Variants in BCAR3 observed in about 807,000 individuals in gnomAD.
BCAR3 encodes the protein BCAR3 adaptor protein, NSP family member.
Under a neutral mutation model 80.1 loss-of-function variants are expected in BCAR3, and 37 were observed. The observed-to-expected ratio is 0.46, with a 90% CI of 0.36 to 0.61. The LOEUF (loss-of-function observed/expected upper bound fraction) is 0.61. Among genes scored for constraint, BCAR3 ranks in the 20% least tolerant of loss-of-function variants. The probability of loss-of-function intolerance (pLI) is 0.00; values close to 1 mark genes in which losing one functional copy is unlikely to be tolerated. For synonymous variants in BCAR3, 389 were observed against 418.9 expected, an observed-to-expected ratio of 0.93 and a Z score of 0.87; for missense variants, 978 against 1,068.2, an observed-to-expected ratio of 0.92 and a Z score of 1.18.
chr1:93,704,288 T>C (rs112921086), intron 3 of BCAR3, among the ~76,000 whole-genome samples: 3,856 of 150,562 alleles, frequency 0.026, 167 homozygotes, highest in African/African-American at 0.09. Flanking sequence ...TTTGGCAAAT[T>C]TGAGGAACAG....
intron 6 of BCAR3, among the ~76,000 whole-genome samples, chr1:93,583,648 G>C (rs1673819609): frequency 6.6e-6 from 1 of 152,130 alleles, no homozygotes; most frequent in African/African-American, 2.4e-5. Context: ...GCCCACCCGG[G>C]AAAAGGGAGT....
chr1:93,839,587 T>A (rs10489602), intron 2 of BCAR3, among the ~76,000 whole-genome samples: 43,585 of 152,138 alleles, frequency 0.29, 7,215 homozygotes, highest in East Asian at 0.53. Context: ...CCAGGAGTTA[T>A]TCATCTGCCT....
chr1:93,633,816 T>A (rs1675697025), intron 3 of BCAR3, among the ~76,000 whole-genome samples: 1 of 152,176 alleles, frequency 6.6e-6, no homozygotes, highest in Admixed American at 6.5e-5. Flanking sequence ...TGTATTTTTT[T>A]AGTTAGTAGT....
chr1:93,637,514 T>C (rs1015431265), intron 3 of BCAR3, among the ~76,000 whole-genome samples: 6 of 152,180 alleles, frequency 3.9e-5, no homozygotes, highest in African/African-American at 1.4e-4. Context: ...AGCTTAAAGA[T>C]GCAGTTCCAG....
intron 5 of BCAR3, among the ~76,000 whole-genome samples, chr1:93,587,776 G>A (rs1444964076): frequency 6.6e-6 from 1 of 151,822 alleles, no homozygotes; most frequent in Non-Finnish European, 1.5e-5. Flanking sequence ...AGCCGGGTCA[G>A]GGCTGCTGTG....
intron 3 of BCAR3, among the ~76,000 whole-genome samples, chr1:93,620,441 G>A (rs1675272880): frequency 6.6e-6 from 1 of 152,062 alleles, no homozygotes; most frequent in Admixed American, 6.5e-5. Context: ...CCTAACCCAG[G>A]GGACTCCTGG....
At chr1:93,620,502 C>T (rs1009624033) in intron 3 of BCAR3, among the ~76,000 whole-genome samples, 48 of 152,262 alleles carry the variant, frequency 3.2e-4, no homozygotes, top group African/African-American at 1.1e-3. Flanking sequence ...CTGAGCCAAT[C>T]TGACTGGGGA....
intron 3 of BCAR3, among the ~76,000 whole-genome samples, chr1:93,632,244 G>A (rs1199798369): frequency 6.6e-6 from 1 of 152,204 alleles, no homozygotes; most frequent in African/African-American, 2.4e-5. Flanking sequence ...AACAGAAACA[G>A]CAAAGGTGCA....
At chr1:93,770,264 T>C (rs538421579) in intron 2 of BCAR3, among the ~76,000 whole-genome samples, 11 of 152,016 alleles carry the variant, frequency 7.2e-5, no homozygotes, top group African/African-American at 2.7e-4. Flanking sequence ...GTCCCCACCA[T>C]AAGGACTACC....
At chr1:93,677,980 C>G (rs1340059395) in intron 1 of BCAR3, among the ~76,000 whole-genome samples, 7 of 152,156 alleles carry the variant, frequency 4.6e-5, no homozygotes. Context: ...ATGAATTATA[C>G]CCCTGCTCTC....
At chr1:93,691,511 CA>C (rs1649187419) in intron 3 of BCAR3, among the ~76,000 whole-genome samples, 2 of 152,182 alleles carry the variant, frequency 1.3e-5, no homozygotes, top group Non-Finnish European at 2.9e-5. Context: ...GGACACAATC[CA>C]CCCTGCAAGA....
At chr1:93,659,272 T>A (rs1341351611) in intron 2 of BCAR3, among the ~76,000 whole-genome samples, 3 of 152,158 alleles carry the variant, frequency 2.0e-5, no homozygotes, top group Non-Finnish European at 4.4e-5. Context: ...CTCGACCTAA[T>A]GGGGTTAAAT....
intron 3 of BCAR3, among the ~76,000 whole-genome samples, chr1:93,593,196 T>C (rs1390782988): frequency 6.6e-6 from 1 of 152,050 alleles, no homozygotes; most frequent in Non-Finnish European, 1.5e-5. Flanking sequence ...ACCTGCCCAG[T>C]TCCCAGCAAG....
chr1:93,563,882 C>T (rs1459892970), intron 11 of BCAR3, among the ~76,000 whole-genome samples: 3 of 151,948 alleles, frequency 2.0e-5, no homozygotes, highest in African/African-American at 7.3e-5. Flanking sequence ...TCAGTAGAGA[C>T]GGGGTTTTGC....
intron 2 of BCAR3, among the ~76,000 whole-genome samples, chr1:93,644,934 T>G (rs952771622): frequency 2.2e-4 from 33 of 152,244 alleles, no homozygotes; most frequent in African/African-American, 1.4e-4. Context: ...GAAGGTGCAT[T>G]CTAAAGGGTC....
Position 93,592,406 on chromosome 1 carries a change from GTC to G in BCAR3, c.358-15_358-14del. 1.3e-6 allele frequency: 2 copies of G among 1,586,574 alleles called. No homozygotes were observed. Among genetic ancestry groups the G allele is most frequent in the South Asian group, 1.1e-5 (1 of 88,732 alleles). ...TCTCCTTGGAGAACTGCAACACAGAGTCAACCATGAGCTCACCCTGCCCAGGC... is the reference window on the plus strand; with the variant it reads ...TCTCCTTGGAGAACTGCAACACAGAGAACCATGAGCTCACCCTGCCCAGGC... On this transcript the variant is annotated splice_polypyrimidine_tract_variant and intron_variant, in intron 3 of 11. Transcript: ENST00000260502. This position sits in a 1 kb window ranked among gnomAD's most constrained non-coding sequence, Gnocchi z 4.8.
At chr1:93,842,271 C>A (rs1010361565) in intron 2 of BCAR3, among the ~76,000 whole-genome samples, 1 of 152,024 alleles carries the variant, frequency 6.6e-6, no homozygotes, top group Non-Finnish European at 1.5e-5. Flanking sequence ...CCTGTCTCAG[C>A]CTCCCGAGTA....
At chr1:93,574,446 C>T (rs907112128) in intron 8 of BCAR3, among the ~76,000 whole-genome samples, 2 of 152,076 alleles carry the variant, frequency 1.3e-5, no homozygotes, top group Admixed American at 1.3e-4. Flanking sequence ...AAAGAAGATC[C>T]CACAGGTCAC....
chr1:93,631,867 G>A (rs1366375191), intron 3 of BCAR3, among the ~76,000 whole-genome samples: 1 of 152,190 alleles, frequency 6.6e-6, no homozygotes. Context: ...TCAAGTTCAG[G>A]AGGCCCAGTG....
Sources: allele counts gnomAD v4.1 joint callset (sites outside exome capture counted in the v4.1 genomes callset), GRCh38; gene constraint gnomAD v4.1.1; non-coding constraint Gnocchi (gnomAD v3.1); transcripts MANE v1.5; gene names NCBI Gene and HGNC (gene_info 2026-07-23, HGNC 2026-07-21).